Variants in RYR2 observed in about 807,000 individuals in gnomAD.
RYR2 encodes ryanodine receptor 2, also known as cardiac muscle ryanodine receptor-calcium release channel.
Under a neutral mutation model 601.1 loss-of-function variants are expected in RYR2, and 227 were observed. The observed-to-expected ratio is 0.38, with a 90% CI of 0.34 to 0.42. The LOEUF is 0.42. RYR2 is among the 10% of genes least tolerant of loss of function. RYR2 has a pLI of 1.00. For missense variants in RYR2, 4,646 were observed against 6,156.5 expected, an observed-to-expected ratio of 0.75 and a Z score of 8.21; for synonymous variants, 2,223 against 2,175.1, an observed-to-expected ratio of 1.02 and a Z score of -0.61.
intron 1 of RYR2, among the ~76,000 whole-genome samples, chr1:237,044,778 C>T (rs970842459): frequency 1.4e-5 from 2 of 138,604 alleles, no homozygotes; most frequent in Non-Finnish European, 3.2e-5. Context: ...TTCCCTCCCC[C>T]ACCCCCCTTT....
At chr1:237,543,171 T>C (rs1330554251) in intron 25 of RYR2, among the ~76,000 whole-genome samples, 1 of 152,018 alleles carries the variant, frequency 6.6e-6, no homozygotes, top group Non-Finnish European at 1.5e-5. Context: ...TTTTTTTCCC[T>C]CTCTCTCTCT....
At chr1:237,706,421 TG>T (rs1305760168) in intron 67 of RYR2, among the ~76,000 whole-genome samples, 1 of 152,164 alleles carries the variant, frequency 6.6e-6, no homozygotes, top group African/African-American at 2.4e-5. Context: ...AAAGATGAGT[TG>T]TAAAAGTGCA....
In RYR2 at chr1:237,355,987, T is replaced by A. The variant is rs1426833487; in HGVS notation, c.294+2T>A. 6.2e-7 allele frequency: 1 copy of A among 1,606,772 alleles called. No homozygotes were observed. Among genetic ancestry groups the A allele is most frequent in the Admixed American group, 1.7e-5 (1 of 59,170 alleles). On this transcript the variant is annotated splice_donor_variant, in intron 4 of 104. Transcript: ENST00000366574. LOFTEE classifies it high-confidence loss of function. ...CAGCAAGTTGATGTGGAAAAATGGG[T>A]ATGTGTTTCCATGTATTTGCAAAGA...
chr1:237,805,115 C>T (rs1660468649), intron 98 of RYR2, among the ~76,000 whole-genome samples: 1 of 152,130 alleles, frequency 6.6e-6, no homozygotes, highest in Non-Finnish European at 1.5e-5. Context: ...AGAAAGCCTG[C>T]TGCGGAGTAG....
chr1:237,111,612 AG>A (rs1669489242), intron 1 of RYR2, among the ~76,000 whole-genome samples: 3 of 137,556 alleles, frequency 2.2e-5, no homozygotes, highest in Non-Finnish European at 3.2e-5. Flanking sequence ...AAAAAAAAAA[AG>A]GCACATTTGA....
intron 12 of RYR2, among the ~76,000 whole-genome samples, chr1:237,432,145 A>T (rs950034600): frequency 2.0e-5 from 3 of 151,880 alleles, no homozygotes; most frequent in Non-Finnish European, 4.4e-5. Context: ...TTTTACAAGC[A>T]GATGAATTTG....
intron 2 of RYR2, among the ~76,000 whole-genome samples, chr1:237,274,454 A>C (rs1327913545): frequency 6.6e-6 from 1 of 152,144 alleles, no homozygotes; most frequent in African/African-American, 2.4e-5. Context: ...TAGAACAAAG[A>C]TATAAAGAAA....
chr1:237,316,321 C>G (rs1444250114), intron 2 of RYR2, among the ~76,000 whole-genome samples: 2 of 152,124 alleles, frequency 1.3e-5, no homozygotes, highest in African/African-American at 4.8e-5. Context: ...TACTTTTATA[C>G]TTCCATTTGC....
intron 10 of RYR2, among the ~76,000 whole-genome samples, chr1:237,399,066 A>G (rs1663605108): frequency 6.6e-6 from 1 of 152,146 alleles, no homozygotes; most frequent in Non-Finnish European, 1.5e-5. Context: ...ATGGTGGCAC[A>G]TGCCTGTAAT....
chr1:237,500,925 G>A, intron 21 of RYR2, 22 bp downstream of exon 21: 1 of 1,608,426 alleles, frequency 6.2e-7, no homozygotes. Context: ...TATGTTTTTT[G>A]GTCTCTTTCC....
intron 1 of RYR2, among the ~76,000 whole-genome samples, chr1:237,171,728 G>C (rs913000636): frequency 1.3e-5 from 2 of 152,168 alleles, no homozygotes; most frequent in African/African-American, 4.8e-5. Flanking sequence ...CAGTGGGTTA[G>C]AAAAAGGCTT....
At chr1:237,580,469 TAAA>T (rs34856679) in intron 29 of RYR2, among the ~76,000 whole-genome samples, 13 of 149,316 alleles carry the variant, frequency 8.7e-5, no homozygotes, top group Admixed American at 2.0e-4. Flanking sequence ...AACAATGCTT[TAAA>T]AAAAAAAAAA....
intron 8 of RYR2, among the ~76,000 whole-genome samples, chr1:237,377,936 T>A (rs1490100644): frequency 6.6e-6 from 1 of 152,212 alleles, no homozygotes; most frequent in African/African-American, 2.4e-5. Context: ...GAGTAGGGGC[T>A]GGAAATGGGA....
At chr1:237,292,429 A>G (rs1009723151) in intron 2 of RYR2, among the ~76,000 whole-genome samples, 4 of 152,244 alleles carry the variant, frequency 2.6e-5, no homozygotes, top group African/African-American at 9.6e-5. Flanking sequence ...CATTAAATTC[A>G]TTAGTGGCTC....
At chr1:237,193,605 A>G (rs555070466) in intron 1 of RYR2, among the ~76,000 whole-genome samples, 12 of 152,220 alleles carry the variant, frequency 7.9e-5, no homozygotes, top group Non-Finnish European at 1.6e-4. Flanking sequence ...AGCACTAAGC[A>G]TTGAATACTG....
At chr1:237,698,106 GTGT>G (rs1687655683) in intron 63 of RYR2, among the ~76,000 whole-genome samples, 1 of 1,140 alleles carries the variant, frequency 8.8e-4, no homozygotes, top group South Asian at 0.056. Flanking sequence ...GGAGATGATA[GTGT>G]GTGTGTGTGT....
rs1157659399 is a variant in RYR2, at chr1:237,530,567, A to G, written c.2906+57A>G. The G allele has an allele frequency of 3.2e-6, 4 of 1,268,840 alleles. No individual in the cohort carries two copies. The Admixed American group carries it at 7.9e-5, about 25-fold the overall frequency. The allele number at this position is 1,268,840 out of a possible 1,614,324, so 78.6% of individuals were successfully genotyped here. On this transcript the variant is annotated intron_variant, in intron 25 of 104. Coordinates refer to ENST00000366574, the MANE Select transcript of RYR2 (RefSeq NM_001035.3). ...TCTGTGTAGAGATTTAGTGCAACCAAATAACTCTTGATGGACACACAGATG... is the reference window on the plus strand; with the variant it reads ...TCTGTGTAGAGATTTAGTGCAACCAGATAACTCTTGATGGACACACAGATG...
intron 35 of RYR2, among the ~76,000 whole-genome samples, chr1:237,607,804 A>G (rs773380981): frequency 2.0e-5 from 3 of 152,188 alleles, no homozygotes; most frequent in African/African-American, 4.8e-5. Flanking sequence ...GAGTGAATAG[A>G]GTAGATAGTT....
At chr1:237,699,916 C>A (rs1191573125) in intron 64 of RYR2, among the ~76,000 whole-genome samples, 1 of 152,146 alleles carries the variant, frequency 6.6e-6, no homozygotes, top group East Asian at 1.9e-4. Context: ...TTCGGATTAA[C>A]TATACTCACT....
Sources: allele counts gnomAD v4.1 joint callset (sites outside exome capture counted in the v4.1 genomes callset), GRCh38; gene constraint gnomAD v4.1.1; transcripts MANE v1.5; gene names NCBI Gene and HGNC (gene_info 2026-07-23, HGNC 2026-07-21).